The following MAD1L1 variants were observed in gnomAD, a reference collection of about 807,000 sequenced individuals.
MAD1L1 encodes the protein mitotic arrest deficient 1 like 1.
MAD1L1 carries 95 observed loss-of-function variants against 96.9 expected under a neutral mutation model. That is an observed-to-expected ratio of 0.98 (90% CI 0.83 to 1.16). The LOEUF (loss-of-function observed/expected upper bound fraction) is 1.16. MAD1L1 is among the 50% of genes most tolerant of loss of function. The probability of loss-of-function intolerance (pLI) is 0.00; values close to 1 mark genes in which losing one functional copy is unlikely to be tolerated. For missense variants in MAD1L1, 1,007 were observed against 954.4 expected, an observed-to-expected ratio of 1.06 and a Z score of -0.73; for synonymous variants, 473 against 396.6, an observed-to-expected ratio of 1.19 and a Z score of -2.29.
chr7:2,199,265 A>G (rs1192341772), intron 10 of MAD1L1, among the ~76,000 whole-genome samples: 2 of 152,254 alleles, frequency 1.3e-5, no homozygotes, highest in Non-Finnish European at 2.9e-5. Context: ...TGGCCTTTTT[A>G]AATGTTGGCA....
At chr7:2,232,154 G>C (rs1231124577) in intron 1 of MAD1L1, among the ~76,000 whole-genome samples, 1 of 152,224 alleles carries the variant, frequency 6.6e-6, no homozygotes, top group Non-Finnish European at 1.5e-5. Flanking sequence ...CGGCCCACCA[G>C]CCACAACTAG....
intron 11 of MAD1L1, among the ~76,000 whole-genome samples, chr7:2,139,928 T>G (rs954569394): frequency 7.2e-5 from 11 of 152,090 alleles, no homozygotes; most frequent in African/African-American, 2.7e-4. Context: ...CTCCACCAAG[T>G]AGAGTCTCTT....
chr7:2,104,383 C>G lies in MAD1L1; in HGVS notation c.1074-35045G>C, dbSNP rs986004349. On this transcript the variant is annotated intron_variant, in intron 11 of 18. Transcript: ENST00000265854. ...GAGAGCCGTCACGGCGGCGCAATAG[C>G]AGGCCAAGGGGGACGCAGTCTGGCA... 3.3e-5 allele frequency among the ~76,000 whole-genome samples: 5 copies of G among 152,392 alleles called. No homozygotes were observed. In the East Asian group the frequency reaches 7.7e-4, roughly 24 times the overall value.
intron 11 of MAD1L1, among the ~76,000 whole-genome samples, chr7:2,086,484 C>T (rs934869940): frequency 6.6e-6 from 1 of 152,246 alleles, no homozygotes; most frequent in African/African-American, 2.4e-5. Flanking sequence ...GAGCCACACA[C>T]GGCCTCTGCC....
chr7:1,874,065 C>T (rs1324634346), intron 18 of MAD1L1, among the ~76,000 whole-genome samples: 2 of 152,188 alleles, frequency 1.3e-5, no homozygotes, highest in Non-Finnish European at 2.9e-5. Context: ...ATGCTAGGGT[C>T]GGTGCTTCTG....
In MAD1L1 at chr7:2,004,585, C is replaced by A. The variant is rs553201070; in HGVS notation, c.1360-2464G>T. Among the ~76,000 whole-genome samples the A allele has an allele frequency of 9.8e-5, 15 of 152,360 alleles. No individual in the cohort carries two copies. In the East Asian group the frequency reaches 1.7e-3, roughly 18 times the overall value. On this transcript the variant is annotated intron_variant, in intron 13 of 18. Transcript: ENST00000265854. ...TCTCCTGTGCCTCCCGACACAGAAT[C>A]ACTGCAGGGTGGAGCCGTGACCACG...
chr7:1,838,288 A>C (rs3889797), intron 18 of MAD1L1, among the ~76,000 whole-genome samples: 65,682 of 152,098 alleles, frequency 0.43, 14,574 homozygotes, highest in African/African-American at 0.51. Context: ...ACAAAGCTCA[A>C]AGTTAAATTA....
intron 12 of MAD1L1, among the ~76,000 whole-genome samples, chr7:2,049,184 A>T (rs1380081121): frequency 6.6e-6 from 1 of 152,214 alleles, no homozygotes; most frequent in Non-Finnish European, 1.5e-5. Flanking sequence ...AAGCAAAGGC[A>T]AAGAGAGGGA....
At chr7:2,181,510 T>C (rs1379892627) in intron 10 of MAD1L1, among the ~76,000 whole-genome samples, 1 of 152,206 alleles carries the variant, frequency 6.6e-6, no homozygotes, top group Non-Finnish European at 1.5e-5. Flanking sequence ...CCTGCCAGAA[T>C]GGCCATAATT....
rs539707778 is a variant in MAD1L1 at position 1,916,606 on chromosome 7, G to A, written c.1808-18216C>T. ...GACTCGACTTAGCCCCTCGGACTAC[G>A]CATACCCTCCAGGCCCTGCAAGGGA... On this transcript the variant is annotated intron_variant, in intron 17 of 18. Transcript: ENST00000265854. Among the ~76,000 whole-genome samples, 3 of 152,322 alleles carry A rather than the reference G, an allele frequency of 2.0e-5. No homozygotes were observed. The South Asian group carries it at 6.2e-4, about 32-fold the overall frequency.
At chr7:1,882,028 A>T (rs1038094732) in intron 18 of MAD1L1, among the ~76,000 whole-genome samples, 1 of 152,272 alleles carries the variant, frequency 6.6e-6, no homozygotes, top group South Asian at 2.1e-4. Context: ...TAAGGGACCG[A>T]GAATCACTCT....
chr7:2,046,584 C>T (rs955964574), intron 12 of MAD1L1, among the ~76,000 whole-genome samples: 6 of 152,192 alleles, frequency 3.9e-5, no homozygotes, highest in Non-Finnish European at 7.3e-5. Flanking sequence ...CTCTGCGTGG[C>T]GATCATCTCC....
rs113953869 is a variant in MAD1L1, at chr7:1,905,879, G to A, written c.1808-7489C>T. ...ATCCTGGCCAACATGGTGAAACCCT[G>A]TCTCTACCAAAAATACAAAAATTAG... On this transcript the variant is annotated intron_variant, in intron 17 of 18. Transcript: ENST00000265854. Among the ~76,000 whole-genome samples the A allele has an allele frequency of 4.1e-3, 622 of 152,146 alleles. 8 individuals carry two copies. Among genetic ancestry groups the A allele is most frequent in the African/African-American group, 0.014 (565 of 41,522 alleles).
At chr7:2,013,761 G>C (rs559310909) in intron 13 of MAD1L1, among the ~76,000 whole-genome samples, 1 of 152,208 alleles carries the variant, frequency 6.6e-6, no homozygotes, top group Non-Finnish European at 1.5e-5. Flanking sequence ...GGCTGGGAAC[G>C]GTGTGCTAGG....
At chr7:2,198,559 T>A (rs1026417496) in intron 10 of MAD1L1, among the ~76,000 whole-genome samples, 1 of 152,190 alleles carries the variant, frequency 6.6e-6, no homozygotes, top group Non-Finnish European at 1.5e-5. Context: ...GCAATCGCGC[T>A]CTGCGGCACG....
intron 18 of MAD1L1, among the ~76,000 whole-genome samples, chr7:1,821,095 G>GGC (rs1782103450): frequency 3.5e-5 from 1 of 28,638 alleles, no homozygotes; most frequent in African/African-American, 8.1e-5. Flanking sequence ...AAAAAAAAAG[G>GGC]GGGGGGGGAG....
In MAD1L1 at chr7:1,895,937, G is replaced by A. The variant is rs545824986; in HGVS notation, c.1998+2263C>T. Among the ~76,000 whole-genome samples the A allele has an allele frequency of 1.0e-4, 16 of 152,384 alleles. No individual in the cohort carries two copies. The South Asian group carries it at 2.9e-3, about 28-fold the overall frequency. On this transcript the variant is annotated intron_variant, in intron 18 of 18. Transcript: ENST00000265854. The stretch of plus-strand genomic sequence containing the variant: ...CAGTGAGGGGGCGGCCTGGGGAGGC[G>A]CCAAGGCTCCAGATCACAAGAGTCT...
intron 11 of MAD1L1, among the ~76,000 whole-genome samples, chr7:2,110,267 G>A (rs1787310882): frequency 6.6e-6 from 1 of 152,198 alleles, no homozygotes; most frequent in African/African-American, 2.4e-5. Context: ...CTCCTTCTGT[G>A]GCTGGACTGT....
At chr7:2,170,894 C>T (rs2128594730) in intron 10 of MAD1L1, among the ~76,000 whole-genome samples, 1 of 152,276 alleles carries the variant, frequency 6.6e-6, no homozygotes, top group Non-Finnish European at 1.5e-5. Context: ...AGGATGGGAA[C>T]CGGAGGAGCC....
Sources: gnomAD v4.1 joint callset for allele counts (sites outside exome capture counted in the v4.1 genomes callset) on GRCh38, gnomAD v4.1.1 for gene constraint, MANE v1.5 for transcripts, NCBI Gene and HGNC (gene_info 2026-07-23, HGNC 2026-07-21) for gene names.